CHODL: variants seen among roughly 807,000 people sequenced by gnomAD.
The protein encoded by CHODL is chondrolectin, also known as transmembrane protein MT75.
Under a neutral mutation model 34.5 loss-of-function variants are expected in CHODL, and 29 were observed. The ratio of observed to expected loss-of-function variants is 0.84; its 90% CI spans 0.63 to 1.15. CHODL has a LOEUF of 1.15. CHODL is among the 50% of genes most tolerant of loss of function. CHODL has a pLI of 0.00. For synonymous variants in CHODL, 125 were observed against 116.1 expected, an observed-to-expected ratio of 1.08 and a Z score of -0.49; for missense variants, 332 against 332.5, an observed-to-expected ratio of 1.00 and a Z score of 0.01.
chr21:18,004,153 C>A (rs1263412546), intron 1 of CHODL, among the ~76,000 whole-genome samples: 1 of 152,064 alleles, frequency 6.6e-6, no homozygotes, highest in Admixed American at 6.5e-5. Flanking sequence ...CATTACTGGC[C>A]TTAAAAGAGT....
chr21:18,018,374 G>A (rs158055), intron 1 of CHODL, among the ~76,000 whole-genome samples: 4,404 of 152,196 alleles, frequency 0.029, 200 homozygotes, highest in African/African-American at 0.098. Flanking sequence ...TGGAGGTGGG[G>A]CCTAGTGGGA....
At chr21:18,204,520 T>A (rs959896394) in intron 2 of CHODL, among the ~76,000 whole-genome samples, 26 of 152,166 alleles carry the variant, frequency 1.7e-4, no homozygotes, top group Non-Finnish European at 3.2e-4. Flanking sequence ...AACCTTGTTT[T>A]CAAATGAGTA....
At position 17,917,908 on chromosome 21, in the gene CHODL, G is replaced by GTGTGTGT. The variant is rs1448604351; in HGVS notation, c.-145+509_-145+510insGTGTGTT. Among the ~76,000 whole-genome samples, 6 of 116,490 alleles carry GTGTGTGT rather than the reference G, an allele frequency of 5.2e-5. No homozygotes were observed. The Admixed American group carries it at 5.2e-4, about 10-fold the overall frequency. The allele number at this position is 116,490 out of a possible 152,430, so 76.4% of individuals were successfully genotyped here. A position where few individuals can be genotyped will look rare whatever the true frequency, so the allele number is the denominator to read the frequency against. On this transcript the variant is annotated intron_variant, in intron 1 of 6. Coordinates refer to the CHODL transcript ENST00000400127. ...GTGTGTGTATGTGTGTGTGTGTGTAGTTCTGCCGTTCTTGAAGCTAAACTC... is the reference window on the plus strand; with the variant it reads ...GTGTGTGTATGTGTGTGTGTGTGTAGTGTGTGTTTCTGCCGTTCTTGAAGCTAAACTC...
intron 1 of CHODL, among the ~76,000 whole-genome samples, chr21:18,025,913 A>G (rs750170536): frequency 2.0e-5 from 3 of 152,164 alleles, no homozygotes; most frequent in Non-Finnish European, 4.4e-5. Flanking sequence ...TACAGACCTC[A>G]TTGTAACTTA....
rs141546212 is a variant in CHODL at position 18,031,437 on chromosome 21, A to C, written c.-45+3466A>C. 5.0e-3 allele frequency among the ~76,000 whole-genome samples: 756 copies of C among 152,256 alleles called. 11 individuals are homozygous for C. The highest frequency in any genetic ancestry group is 0.017 in the African/African-American group (724 of 41,576). ...TGGTAATAATAGAGAAGAAGAAGCT[A>C]AAGAATTTCAGAAGGCTTAAGAAAT... is the stretch of plus-strand genomic sequence containing the variant. On this transcript the variant is annotated intron_variant, in intron 2 of 6. Transcript: ENST00000400127.
rs10634402 is a variant in CHODL, at chr21:18,071,146, ATT to A, written c.-45+43193_-45+43194del. ...TCCTACTTTGGACTATAACTACAGC[ATT>A]TTTTTTTTTTTTTTTTTGAGAGGTA... On this transcript the variant is annotated intron_variant, in intron 2 of 6. Transcript: ENST00000400127. 3.1e-4 allele frequency among the ~76,000 whole-genome samples: 35 copies of A among 112,640 alleles called. 1 individual carries two copies. Among genetic ancestry groups the A allele is most frequent in the African/African-American group, 1.1e-3 (32 of 28,312 alleles). 73.9% of individuals were successfully genotyped at this position (112,640 alleles called of 152,430 possible).
chr21:18,108,067 T>C (rs192440354), intron 2 of CHODL, among the ~76,000 whole-genome samples: 7 of 152,302 alleles, frequency 4.6e-5, no homozygotes, highest in African/African-American at 1.7e-4. Context: ...CTGATTTCCA[T>C]TTACACCATT....
At chr21:18,231,386 A>G (rs778208761) in intron 2 of CHODL, among the ~76,000 whole-genome samples, 2 of 152,124 alleles carry the variant, frequency 1.3e-5, no homozygotes, top group South Asian at 2.1e-4. Context: ...TGCGTGTGCT[A>G]TATCTGTGAC....
chr21:18,162,752 A>G (rs1332652224), intron 2 of CHODL, among the ~76,000 whole-genome samples: 1 of 152,090 alleles, frequency 6.6e-6, no homozygotes, highest in Non-Finnish European at 1.5e-5. Flanking sequence ...TTGATTTGCT[A>G]TTACATTAAT....
intron 1 of CHODL, among the ~76,000 whole-genome samples, chr21:17,924,842 A>T (rs2063210706): frequency 6.6e-6 from 1 of 152,196 alleles, no homozygotes; most frequent in Non-Finnish European, 1.5e-5. Context: ...GTGCACTGCT[A>T]ATCATTCTGT....
intron 2 of CHODL, among the ~76,000 whole-genome samples, chr21:18,220,828 T>C (rs1043018840): frequency 1.3e-5 from 2 of 152,152 alleles, no homozygotes; most frequent in Non-Finnish European, 2.9e-5. Context: ...GAATTATCTT[T>C]GTCTTTGGTT....
At chr21:18,080,827 T>C (rs1211711472) in intron 2 of CHODL, among the ~76,000 whole-genome samples, 1 of 152,190 alleles carries the variant, frequency 6.6e-6, no homozygotes, top group African/African-American at 2.4e-5. Flanking sequence ...AAGCTCTTTT[T>C]TGGTTCCATA....
chr21:18,035,795 T>A (rs969342054), intron 2 of CHODL, among the ~76,000 whole-genome samples: 1 of 49,786 alleles, frequency 2.0e-5, no homozygotes, highest in Non-Finnish European at 6.0e-5. Context: ...ATTTGGATCT[T>A]CTTCTTTCAT....
Position 18,081,162 on chromosome 21 carries a change from C to T in CHODL, c.-45+53191C>T, listed in dbSNP as rs2064936931. ...GATCATTATTAGTGTATAGAAATGC[C>T]ACTGATTTCTGTACATAGTTTCATG... On this transcript the variant is annotated intron_variant, in intron 2 of 6. Coordinates refer to the CHODL transcript ENST00000400127. Among the ~76,000 whole-genome samples the T allele has an allele frequency of 2.0e-5, 3 of 152,158 alleles. No homozygotes were observed. The South Asian group carries it at 6.2e-4, about 32-fold the overall frequency.
intron 1 of CHODL, among the ~76,000 whole-genome samples, chr21:18,013,635 C>CTTTTTTTTTTT (rs1212894827): frequency 0.01 from 730 of 71,812 alleles, 240 homozygotes; most frequent in African/African-American, 0.041. Context: ...GCTGCTGCTG[C>CTTTTTTTTTTT]TTTTTTTTTT....
Position 18,012,283 on chromosome 21 carries a change from T to C in CHODL, c.-144-15589T>C, listed in dbSNP as rs143916184. 1.4e-3 allele frequency among the ~76,000 whole-genome samples: 207 copies of C among 152,316 alleles called. 1 individual carries two copies. Among genetic ancestry groups the C allele is most frequent in the Middle Eastern group, 6.8e-3 (2 of 294 alleles). ...GTCATCACAATCATTCTTCCTTTAA[T>C]ACATAATTGTCCTCTGTCTTTACTT... On this transcript the variant is annotated intron_variant, in intron 1 of 6. Transcript: ENST00000400127.
At chr21:17,925,238 T>G (rs1377765861) in intron 1 of CHODL, among the ~76,000 whole-genome samples, 1 of 152,182 alleles carries the variant, frequency 6.6e-6, no homozygotes, top group Non-Finnish European at 1.5e-5. Context: ...AGTGTGCATA[T>G]CCAAAATTGT....
chr21:18,217,165 T>G (rs955542259), intron 2 of CHODL, among the ~76,000 whole-genome samples: 18 of 138,288 alleles, frequency 1.3e-4, no homozygotes, highest in Non-Finnish European at 2.3e-4. Flanking sequence ...GCATATATAC[T>G]CAGCAATGGG....
chr21:18,232,322 TATC>T (rs1328725664), intron 2 of CHODL, among the ~76,000 whole-genome samples: 1 of 152,076 alleles, frequency 6.6e-6, no homozygotes, highest in Non-Finnish European at 1.5e-5. Context: ...ATAACAAAAA[TATC>T]ATAACCTGGG....
Sources: allele counts gnomAD v4.1 joint callset (sites outside exome capture counted in the v4.1 genomes callset), GRCh38; gene constraint gnomAD v4.1.1; transcripts MANE v1.5; gene names NCBI Gene and HGNC (gene_info 2026-07-23, HGNC 2026-07-21).